Variants in OXR1 observed in about 807,000 individuals in gnomAD.
The protein encoded by OXR1 is oxidation resistance 1, also known as oxidation resistance protein 1.
OXR1 carries 41 observed loss-of-function variants against 104.6 expected under a neutral mutation model. The ratio of observed to expected loss-of-function variants is 0.39; its 90% confidence interval spans 0.31 to 0.51. The LOEUF is 0.51. OXR1 is among the 20% of genes least tolerant of loss of function. The pLI, the probability that OXR1 is intolerant of heterozygous loss-of-function variation, is 0.77. For missense variants in OXR1, 955 were observed against 1,031.9 expected (o/e 0.93, Z 1.02); for synonymous variants, 348 against 348.4 (o/e 1.00, Z 0.01).
At chr8:106,487,339 C>CTTTTTTTTTTTTTTTTTTTT (rs71307062) in intron 2 of OXR1, among the ~76,000 whole-genome samples, 2 of 129,176 alleles carry the variant, frequency 1.5e-5, no homozygotes, top group Admixed American at 8.1e-5. Context: ...CCAGGTATTT[C>CTTTTTTTTTTTTTTTTTTTT]TTTTTTTTTT....
intron 2 of OXR1, among the ~76,000 whole-genome samples, chr8:106,499,998 A>G (rs1015475305): frequency 6.6e-5 from 10 of 152,372 alleles, no homozygotes; most frequent in African/African-American, 2.4e-4. Flanking sequence ...TTACTGTGCC[A>G]AAAGCCAGTG....
intron 2 of OXR1, among the ~76,000 whole-genome samples, chr8:106,415,282 G>A (rs1340986319): frequency 1.3e-5 from 2 of 150,550 alleles, no homozygotes; most frequent in African/African-American, 4.8e-5. Context: ...CTTATTAGTT[G>A]TAATAATGTT....
At chr8:106,749,989 A>G (rs1230415234) in intron 16 of OXR1, among the ~76,000 whole-genome samples, 1 of 151,974 alleles carries the variant, frequency 6.6e-6, no homozygotes, top group African/African-American at 2.4e-5. Context: ...GTCCTTTCAA[A>G]CTGAGCTCTT....
chr8:106,725,848 A>C (rs753149228), intron 11 of OXR1, among the ~76,000 whole-genome samples: 1 of 152,204 alleles, frequency 6.6e-6, no homozygotes, highest in Non-Finnish European at 1.5e-5. Flanking sequence ...CAAATCATTC[A>C]TGTGCTTTAA....
chr8:106,432,171 A>G (rs1488788307), intron 2 of OXR1, among the ~76,000 whole-genome samples: 2 of 152,088 alleles, frequency 1.3e-5, no homozygotes, highest in Non-Finnish European at 2.9e-5. Context: ...CAGAATTACT[A>G]CATCTTCCTA....
At chr8:106,601,100 A>G (rs1331754194) in intron 3 of OXR1, among the ~76,000 whole-genome samples, 1 of 152,198 alleles carries the variant, frequency 6.6e-6, no homozygotes, top group East Asian at 1.9e-4. Context: ...GAAGCCACTG[A>G]AGGATTTTAA....
intron 1 of OXR1, among the ~76,000 whole-genome samples, chr8:106,294,362 C>CTCCAACT: frequency 7.6e-6 from 1 of 130,874 alleles, no homozygotes; most frequent in Admixed American, 8.6e-5. Flanking sequence ...CACCATTGCA[C>CTCCAACT]TCCAACTTGG....
intron 1 of OXR1, among the ~76,000 whole-genome samples, chr8:106,321,623 G>T (rs1333248304): frequency 6.6e-6 from 1 of 152,194 alleles, no homozygotes; most frequent in African/African-American, 2.4e-5. Context: ...GAAAATTAGA[G>T]TGTAGCCCCT....
At chr8:106,540,089 G>A (rs1212017160) in intron 3 of OXR1, among the ~76,000 whole-genome samples, 1 of 152,014 alleles carries the variant, frequency 6.6e-6, no homozygotes, top group African/African-American at 2.4e-5. Flanking sequence ...AGAACACTTG[G>A]ACTAGCAGCA....
intron 3 of OXR1, among the ~76,000 whole-genome samples, chr8:106,550,381 C>G (rs1464297818): frequency 1.3e-5 from 2 of 152,174 alleles, no homozygotes; most frequent in African/African-American, 2.4e-5. Flanking sequence ...CAGGGGAGGC[C>G]TCATGAAACT....
intron 16 of OXR1, among the ~76,000 whole-genome samples, chr8:106,747,400 T>C (rs1242366519): frequency 1.3e-5 from 2 of 152,224 alleles, no homozygotes; most frequent in Non-Finnish European, 2.9e-5. Flanking sequence ...ACTCATTTTC[T>C]TTCATCCAAC....
intron 1 of OXR1, among the ~76,000 whole-genome samples, chr8:106,320,834 G>C (rs1418811557): frequency 6.6e-6 from 1 of 152,030 alleles, no homozygotes; most frequent in Non-Finnish European, 1.5e-5. Context: ...ACCATGCCTA[G>C]CTAATTTTTG....
At chr8:106,391,242 A>G (rs1057486646) in intron 2 of OXR1, among the ~76,000 whole-genome samples, 1 of 152,286 alleles carries the variant, frequency 6.6e-6, no homozygotes, top group East Asian at 1.9e-4. Context: ...TTTTTTCACA[A>G]CTAAAAGTTT....
At chr8:106,679,913 T>G (rs904676222) in intron 4 of OXR1, among the ~76,000 whole-genome samples, 1 of 152,058 alleles carries the variant, frequency 6.6e-6, no homozygotes, top group African/African-American at 2.4e-5. Context: ...GATTGTTTAT[T>G]TGGATAATGT....
chr8:106,456,680 A>G (rs184441256), intron 2 of OXR1, among the ~76,000 whole-genome samples: 4 of 152,280 alleles, frequency 2.6e-5, no homozygotes, highest in East Asian at 1.9e-4. Flanking sequence ...TCCATCCATG[A>G]TAACATAACA....
intron 2 of OXR1, among the ~76,000 whole-genome samples, chr8:106,410,266 A>G (rs1273256566): frequency 4.6e-5 from 7 of 152,164 alleles, no homozygotes; most frequent in Non-Finnish European, 8.8e-5. Context: ...ATTTGCCAGT[A>G]AAGAGATTCT....
chr8:106,454,568 G>T (rs796316179), intron 2 of OXR1, among the ~76,000 whole-genome samples: 1 of 151,944 alleles, frequency 6.6e-6, no homozygotes, highest in Non-Finnish European at 1.5e-5. Flanking sequence ...CCATGTATAG[G>T]TAGTGACAAC....
intron 3 of OXR1, among the ~76,000 whole-genome samples, chr8:106,582,023 C>CAAAAAAAAAAAAAAAAAAAAAAATAAA (rs71307074): frequency 1.4e-5 from 1 of 69,566 alleles, no homozygotes; most frequent in Non-Finnish European, 2.6e-5. Context: ...GACTCTGTCT[C>CAAAAAAAAAAAAAAAAAAAAAAATAAA]AAAAAAAAAA....
At chr8:106,590,572 C>T (rs1391337407) in intron 3 of OXR1, among the ~76,000 whole-genome samples, 2 of 152,246 alleles carry the variant, frequency 1.3e-5, no homozygotes, top group African/African-American at 2.4e-5. Flanking sequence ...AGGCATGAGC[C>T]ACCGTGCCCG....
Sources: gnomAD v4.1 joint callset for allele counts (sites outside exome capture counted in the v4.1 genomes callset) on GRCh38, gnomAD v4.1.1 for gene constraint, MANE v1.5 for transcripts, NCBI Gene and HGNC (gene_info 2026-07-23, HGNC 2026-07-21) for gene names.